NTRK3: variants seen among roughly 807,000 people sequenced by gnomAD.
The protein encoded by NTRK3 is neurotrophic receptor tyrosine kinase 3, also known as NT-3 growth factor receptor.
NTRK3 carries 24 observed loss-of-function variants against 91.7 expected under a neutral mutation model. The ratio of observed to expected loss-of-function variants is 0.26; its 90% CI spans 0.19 to 0.37. NTRK3 has a LOEUF of 0.37. NTRK3 is among the 10% of genes least tolerant of loss of function. The pLI, the probability that NTRK3 is intolerant of heterozygous loss-of-function variation, is 1.00. For synonymous variants in NTRK3, 483 were observed against 404.0 expected (o/e 1.20, Z -2.34); for missense variants, 880 against 1,068.9 (o/e 0.82, Z 2.46).
exon 17 of NTRK3, chr15:87,929,326 A>G: frequency 6.2e-7 from 1 of 1,614,074 alleles, no homozygotes; most frequent in Non-Finnish European, 8.5e-7. Flanking sequence ...GGTACACCAT[A>G]CCCGAGGCGA....
At position 88,025,024 on chromosome 15, in the gene NTRK3, T is replaced by C. The variant is rs1167904446; in HGVS notation, c.1585+7833A>G. Reference sequence around the variant, plus strand: ...TACTTTAGAGCAGAAGAGAGAAAGGTTGGTACAATCACACGTGTGTGGCCA... The same window carrying C: ...TACTTTAGAGCAGAAGAGAGAAAGGCTGGTACAATCACACGTGTGTGGCCA... On this transcript the variant is annotated intron_variant, in intron 14 of 18. Transcript: ENST00000394480. Among the ~76,000 whole-genome samples the C allele has an allele frequency of 2.6e-5, 4 of 152,096 alleles. No homozygotes were observed. In the East Asian group the frequency reaches 7.7e-4, roughly 29 times the overall value.
intron 5 of NTRK3, among the ~76,000 whole-genome samples, chr15:88,168,875 T>C (rs962023087): frequency 1.3e-5 from 2 of 152,260 alleles, no homozygotes; most frequent in South Asian, 2.1e-4. Flanking sequence ...CTACTTTCTA[T>C]TGTCATGTAG....
chr15:88,160,548 C>A (rs971044851), intron 5 of NTRK3, among the ~76,000 whole-genome samples: 1 of 152,258 alleles, frequency 6.6e-6, no homozygotes, highest in South Asian at 2.1e-4. Context: ...GTAGATCCTG[C>A]GCATGTAAAA....
chr15:87,887,477 C>A (rs1198781935), intron 17 of NTRK3, among the ~76,000 whole-genome samples: 1 of 152,148 alleles, frequency 6.6e-6, no homozygotes, highest in African/African-American at 2.4e-5. Context: ...TATGTAAAAA[C>A]CCATTGAGCA....
intron 17 of NTRK3, among the ~76,000 whole-genome samples, chr15:87,911,268 T>C (rs1277030521): frequency 2.0e-5 from 3 of 152,216 alleles, no homozygotes; most frequent in African/African-American, 7.2e-5. Flanking sequence ...TGAAAATATA[T>C]ACTTGACACA....
At chr15:88,229,307 C>G (rs1484617064) in intron 3 of NTRK3, among the ~76,000 whole-genome samples, 1 of 152,176 alleles carries the variant, frequency 6.6e-6, no homozygotes, top group Non-Finnish European at 1.5e-5. Context: ...ATGACTTATC[C>G]AACATCCTAG....
intron 10 of NTRK3, among the ~76,000 whole-genome samples, chr15:88,130,128 T>C (rs964916105): frequency 1.5e-4 from 23 of 152,232 alleles, no homozygotes; most frequent in African/African-American, 5.3e-4. Context: ...AAATTTCTGT[T>C]GTTTAAGCCA....
intron 5 of NTRK3, among the ~76,000 whole-genome samples, chr15:88,169,810 C>G (rs1433744920): frequency 6.6e-6 from 1 of 152,174 alleles, no homozygotes; most frequent in Non-Finnish European, 1.5e-5. Flanking sequence ...AATCATCACC[C>G]ATGTCCCCAG....
chr15:88,208,353 CCT>C (rs1369855824), intron 3 of NTRK3, among the ~76,000 whole-genome samples: 21 of 152,108 alleles, frequency 1.4e-4, no homozygotes, highest in Admixed American at 1.4e-3. Flanking sequence ...AAATGATACC[CCT>C]CTAAAGGGAA....
intron 17 of NTRK3, among the ~76,000 whole-genome samples, chr15:87,890,282 C>T (rs2065785655): frequency 6.6e-6 from 1 of 152,120 alleles, no homozygotes; most frequent in African/African-American, 2.4e-5. Flanking sequence ...TTAGCAGTCA[C>T]TGATGATCAC....
At chr15:88,134,585 C>G (rs10520674) in intron 10 of NTRK3, among the ~76,000 whole-genome samples, 41,326 of 152,038 alleles carry the variant, frequency 0.27, 5,957 homozygotes, top group African/African-American at 0.37. Context: ...GTCATTCATC[C>G]GTTAAATGGA....
At chr15:87,958,301 T>C (rs747857265) in intron 14 of NTRK3, among the ~76,000 whole-genome samples, 3 of 152,094 alleles carry the variant, frequency 2.0e-5, no homozygotes, top group Non-Finnish European at 4.4e-5. Context: ...TAAGATAACT[T>C]CAGCCCACCT....
chr15:88,119,000 G>C (rs548717901), intron 13 of NTRK3, among the ~76,000 whole-genome samples: 57 of 152,360 alleles, frequency 3.7e-4, no homozygotes, highest in African/African-American at 1.3e-3. Context: ...CCAGCTAGCA[G>C]GTAGCCACAG....
At chr15:87,907,252 A>G (rs1229266857) in intron 17 of NTRK3, among the ~76,000 whole-genome samples, 1 of 152,212 alleles carries the variant, frequency 6.6e-6, no homozygotes, top group Admixed American at 6.5e-5. Context: ...AGATTGATTA[A>G]TCTTCTATAA....
intron 13 of NTRK3, among the ~76,000 whole-genome samples, chr15:88,065,082 T>C (rs894551368): frequency 5.3e-5 from 8 of 152,142 alleles, no homozygotes; most frequent in South Asian, 2.1e-4. Flanking sequence ...TATGGCTCAG[T>C]AGTGTTCCCT....
chr15:88,010,627 T>G (rs914167776), intron 14 of NTRK3, among the ~76,000 whole-genome samples: 1 of 152,144 alleles, frequency 6.6e-6, no homozygotes, highest in African/African-American at 2.4e-5. Context: ...GTAATAAACC[T>G]ATTGAATAAG....
chr15:88,134,213 CAA>C (rs1348964312), intron 10 of NTRK3, among the ~76,000 whole-genome samples: 1 of 152,176 alleles, frequency 6.6e-6, no homozygotes, highest in East Asian at 1.9e-4. Flanking sequence ...CCAAGCTCAG[CAA>C]AGACACATGG....
At chr15:87,904,497 T>C (rs1387935988) in intron 17 of NTRK3, among the ~76,000 whole-genome samples, 3 of 152,126 alleles carry the variant, frequency 2.0e-5, no homozygotes, top group African/African-American at 7.2e-5. Context: ...TCTCTCTGAA[T>C]CTTTTTTCTT....
At chr15:88,252,253 A>C (rs1236360051) in intron 3 of NTRK3, among the ~76,000 whole-genome samples, 1 of 151,988 alleles carries the variant, frequency 6.6e-6, no homozygotes, top group African/African-American at 2.4e-5. Flanking sequence ...GGCCTGGCTC[A>C]TACCCTGCTG....
Sources: allele counts gnomAD v4.1 joint callset (sites outside exome capture counted in the v4.1 genomes callset), GRCh38; gene constraint gnomAD v4.1.1; transcripts MANE v1.5; gene names NCBI Gene and HGNC (gene_info 2026-07-23, HGNC 2026-07-21).